GALNT13: variants seen among roughly 807,000 people sequenced by gnomAD.
GALNT13 encodes the protein UDP-GalNAc:polypeptide N-acetylgalactosaminyltransferase 13.
In GALNT13, 28 loss-of-function variants were observed where a neutral mutation model predicts 64.2. That is an observed-to-expected ratio of 0.44 (90% CI 0.32 to 0.60). The LOEUF (loss-of-function observed/expected upper bound fraction) is 0.60, where lower values mean the gene tolerates loss of function less well. GALNT13 is among the 20% of genes least tolerant of loss of function. The pLI is 0.05. For missense variants in GALNT13, 577 were observed against 669.8 expected, an observed-to-expected ratio of 0.86 and a Z score of 1.53; for synonymous variants, 214 against 224.6, an observed-to-expected ratio of 0.95 and a Z score of 0.42.
chr2:153,756,285 A>T, the GALNT13 span, among the ~76,000 whole-genome samples: 1 of 152,144 alleles, frequency 6.6e-6, no homozygotes, highest in Non-Finnish European at 1.5e-5. Flanking sequence ...CCTTATTTAG[A>T]TTAAAAAGAG....
intron 11 of GALNT13, among the ~76,000 whole-genome samples, chr2:154,429,913 C>T (rs1383742511): frequency 6.6e-6 from 1 of 152,062 alleles, no homozygotes; most frequent in Non-Finnish European, 1.5e-5. Flanking sequence ...AACAACAAGG[C>T]CTGGATTATA....
At chr2:153,164,493 G>C in the GALNT13 span, among the ~76,000 whole-genome samples, 1 of 151,934 alleles carries the variant, frequency 6.6e-6, no homozygotes, top group South Asian at 2.1e-4. Context: ...TTGAATTTTT[G>C]TTTTATTGAG....
the GALNT13 span, among the ~76,000 whole-genome samples, chr2:153,208,581 T>G: frequency 3.3e-5 from 5 of 152,180 alleles, no homozygotes; most frequent in African/African-American, 1.2e-4. Context: ...TTTCAATTTT[T>G]GGCAATTATG....
chr2:153,671,730 T>C, the GALNT13 span, among the ~76,000 whole-genome samples: 1 of 152,168 alleles, frequency 6.6e-6, no homozygotes, highest in Non-Finnish European at 1.5e-5. Flanking sequence ...ATGGGCTAAA[T>C]GCTCCAATTA....
chr2:153,110,779 T>C, the GALNT13 span, among the ~76,000 whole-genome samples: 1 of 152,186 alleles, frequency 6.6e-6, no homozygotes, highest in African/African-American at 2.4e-5. Flanking sequence ...TGTAATATAT[T>C]GCTTTCTTTC....
chr2:154,186,308 C>A (rs555715989), intron 4 of GALNT13, among the ~76,000 whole-genome samples: 1 of 151,996 alleles, frequency 6.6e-6, no homozygotes, highest in Admixed American at 6.6e-5. Context: ...ATGAAAAAAA[C>A]AGATATGTTA....
chr2:154,093,005 C>A (rs1701895039), intron 3 of GALNT13, among the ~76,000 whole-genome samples: 1 of 151,864 alleles, frequency 6.6e-6, no homozygotes, highest in Admixed American at 6.6e-5. Context: ...ACTTTGAAAG[C>A]ACTAAATAGA....
At chr2:153,588,587 A>T in the GALNT13 span, among the ~76,000 whole-genome samples, 1 of 152,120 alleles carries the variant, frequency 6.6e-6, no homozygotes, top group Non-Finnish European at 1.5e-5. Context: ...AGTCTGGCCC[A>T]CAAAACCATT....
At chr2:153,084,183 C>G in the GALNT13 span, among the ~76,000 whole-genome samples, 1 of 152,070 alleles carries the variant, frequency 6.6e-6, no homozygotes, top group Non-Finnish European at 1.5e-5. Context: ...TACCTCCGGA[C>G]TTGTTCCTTT....
At chr2:154,290,512 A>C (rs1574027960) in intron 8 of GALNT13, among the ~76,000 whole-genome samples, 1 of 152,186 alleles carries the variant, frequency 6.6e-6, no homozygotes, top group East Asian at 1.9e-4. Context: ...TTTAAGCTGG[A>C]GGCGGCTTAT....
At chr2:153,489,958 C>T in the GALNT13 span, among the ~76,000 whole-genome samples, 23 of 150,646 alleles carry the variant, frequency 1.5e-4, no homozygotes, top group Admixed American at 6.7e-4. Context: ...CACTCCAGCC[C>T]GGGCAAAGCA....
Position 154,125,838 on chromosome 2 carries a change from G to A in GALNT13, c.143-14499G>A, listed in dbSNP as rs1012071444. Among the ~76,000 whole-genome samples the A allele has an allele frequency of 3.9e-5, 6 of 152,178 alleles. No individual in the cohort carries two copies. In the East Asian group the frequency reaches 9.7e-4, roughly 24 times the overall value. On this transcript the variant is annotated intron_variant, in intron 3 of 12. Coordinates refer to ENST00000392825, the MANE Select transcript of GALNT13 (RefSeq NM_052917.4). ...AAACTAAATTTTATAACTGTGCTTT[G>A]GACCCCCACTCATAGCTTGCTTTAA...
intron 3 of GALNT13, 79 bp downstream of exon 3, chr2:153,944,718 C>A: frequency 1.5e-6 from 2 of 1,291,224 alleles, no homozygotes; most frequent in South Asian, 1.5e-5. Flanking sequence ...ACTTCAGAAT[C>A]AGAAGAGTTT....
chr2:153,321,233 C>A, the GALNT13 span, among the ~76,000 whole-genome samples: 1 of 152,112 alleles, frequency 6.6e-6, no homozygotes, highest in African/African-American at 2.4e-5. Flanking sequence ...TGAACAATGT[C>A]CAGATTGTAC....
At position 154,376,542 on chromosome 2, in the gene GALNT13, C is replaced by G. The variant is rs181491761; in HGVS notation, c.1157-19449C>G. ...AAATTTTTTAAAAGTACACAGAGTA[C>G]AACATTTTAGTGTCTGAGTCTTAAT... On this transcript the variant is annotated intron_variant, in intron 9 of 12. Transcript: ENST00000392825. Among the ~76,000 whole-genome samples, 188 of 152,056 alleles carry G rather than the reference C, an allele frequency of 1.2e-3. 2 individuals carry two copies. Among genetic ancestry groups the G allele is most frequent in the Non-Finnish European group, 1.1e-3 (73 of 67,936 alleles).
At chr2:153,731,437 T>C in the GALNT13 span, among the ~76,000 whole-genome samples, 10 of 151,804 alleles carry the variant, frequency 6.6e-5, no homozygotes, top group Non-Finnish European at 4.4e-5. Context: ...AGCCTAGACT[T>C]TACCACTGCA....
chr2:153,317,563 ATAAAACTTTTCTTAT>A, the GALNT13 span, among the ~76,000 whole-genome samples: 3 of 152,128 alleles, frequency 2.0e-5, no homozygotes, highest in Non-Finnish European at 4.4e-5. Context: ...TTAATTATTG[ATAAAACTTTTCTTAT>A]TAAAGTCTAA....
chr2:153,718,752 T>A, the GALNT13 span, among the ~76,000 whole-genome samples: 11 of 152,204 alleles, frequency 7.2e-5, no homozygotes, highest in Non-Finnish European at 1.0e-4. Context: ...CTCATCTATG[T>A]GTTGTTAAGA....
chr2:153,284,377 A>G, the GALNT13 span, among the ~76,000 whole-genome samples: 1 of 151,900 alleles, frequency 6.6e-6, no homozygotes, highest in East Asian at 1.9e-4. Context: ...CCCCTGCCCC[A>G]CTCCAGAGCA....
Sources: allele counts gnomAD v4.1 joint callset (sites outside exome capture counted in the v4.1 genomes callset), GRCh38; gene constraint gnomAD v4.1.1; transcripts MANE v1.5; gene names NCBI Gene and HGNC (gene_info 2026-07-23, HGNC 2026-07-21).